Variants in MAGI2 observed in about 807,000 individuals in gnomAD.
MAGI2 encodes the protein membrane associated guanylate kinase, WW and PDZ domain containing 2.
In MAGI2, 35 loss-of-function variants were observed where a neutral mutation model predicts 133.3. The observed-to-expected ratio is 0.26, with a 90% confidence interval of 0.20 to 0.35. The LOEUF is 0.35. MAGI2 is among the 10% of genes least tolerant of loss of function. The pLI is 1.00. For missense variants in MAGI2, 1,636 were observed against 1,863.4 expected, an observed-to-expected ratio of 0.88 and a Z score of 2.25; for synonymous variants, 729 against 710.6, an observed-to-expected ratio of 1.03 and a Z score of -0.41.
At chr7:79,429,857 G>T (rs1475517547) in intron 1 of MAGI2, among the ~76,000 whole-genome samples, 2 of 152,032 alleles carry the variant, frequency 1.3e-5, no homozygotes, top group Non-Finnish European at 2.9e-5. Flanking sequence ...AAATGATTAA[G>T]AGGATTGAGG....
intron 3 of MAGI2, among the ~76,000 whole-genome samples, chr7:78,552,474 C>T (rs143034315): frequency 5.7e-4 from 87 of 152,258 alleles, no homozygotes; most frequent in African/African-American, 2.0e-3. Context: ...TAAGCCACTG[C>T]GCCCGACTAT....
chr7:78,983,637 C>T (rs1329194671), intron 2 of MAGI2, among the ~76,000 whole-genome samples: 1 of 151,976 alleles, frequency 6.6e-6, no homozygotes, highest in African/African-American at 2.4e-5. Context: ...TATAGCATAG[C>T]TTTAATACTT....
intron 2 of MAGI2, among the ~76,000 whole-genome samples, chr7:78,854,985 T>C (rs377380142): frequency 4.8e-4 from 73 of 152,176 alleles, no homozygotes; most frequent in African/African-American, 1.7e-3. Flanking sequence ...CCTGAGTAAC[T>C]GAGATTACAG....
At chr7:78,087,969 G>A (rs1181654508) in intron 20 of MAGI2, among the ~76,000 whole-genome samples, 1 of 152,050 alleles carries the variant, frequency 6.6e-6, no homozygotes, top group Non-Finnish European at 1.5e-5. Context: ...TAAAATTATC[G>A]GCCTAAGAAT....
chr7:78,475,780 G>T (rs1201433603), intron 6 of MAGI2, among the ~76,000 whole-genome samples: 2 of 151,756 alleles, frequency 1.3e-5, no homozygotes, highest in Non-Finnish European at 2.9e-5. Flanking sequence ...AGGGACAAGG[G>T]GTGAGGAGAA....
intron 6 of MAGI2, among the ~76,000 whole-genome samples, chr7:78,393,759 G>A (rs1418567902): frequency 6.6e-6 from 1 of 152,164 alleles, no homozygotes; most frequent in South Asian, 2.1e-4. Context: ...TCTGTTTGCA[G>A]TAGTATGTGC....
intron 2 of MAGI2, among the ~76,000 whole-genome samples, chr7:78,727,387 A>G (rs576048375): frequency 6.6e-6 from 1 of 152,316 alleles, no homozygotes; most frequent in Admixed American, 6.5e-5. Flanking sequence ...TTGATAGCAG[A>G]CTTTACTACA....
intron 3 of MAGI2, among the ~76,000 whole-genome samples, chr7:78,560,144 C>T (rs946446537): frequency 2.0e-5 from 3 of 152,050 alleles, no homozygotes; most frequent in African/African-American, 7.2e-5. Context: ...AAAAAATTTA[C>T]TGAGAGGAAG....
At chr7:79,085,722 G>A (rs780950513) in intron 1 of MAGI2, among the ~76,000 whole-genome samples, 51 of 151,958 alleles carry the variant, frequency 3.4e-4, no homozygotes, top group Admixed American at 9.2e-4. Flanking sequence ...CTTATTTAAA[G>A]TCTTTATGCT....
intron 2 of MAGI2, among the ~76,000 whole-genome samples, chr7:78,829,412 T>C (rs1323863362): frequency 2.0e-5 from 3 of 152,140 alleles, no homozygotes; most frequent in African/African-American, 7.2e-5. Flanking sequence ...ACCTTTTTCA[T>C]GGCTCAATCA....
intron 1 of MAGI2, among the ~76,000 whole-genome samples, chr7:79,396,044 T>C (rs1845027448): frequency 2.6e-5 from 4 of 152,318 alleles, no homozygotes; most frequent in African/African-American, 2.4e-5. Flanking sequence ...CTTGAGCCTA[T>C]AGAATCTTGA....
chr7:78,598,997 G>T (rs1457196911), intron 3 of MAGI2, among the ~76,000 whole-genome samples: 2 of 152,032 alleles, frequency 1.3e-5, no homozygotes. Context: ...GATATATCTG[G>T]GGTCAAAAGA....
intron 2 of MAGI2, among the ~76,000 whole-genome samples, chr7:78,643,781 C>A (rs1810548393): frequency 1.3e-5 from 2 of 151,702 alleles, no homozygotes; most frequent in African/African-American, 4.8e-5. Context: ...AGATTCTTAC[C>A]CTATATATGA....
intron 3 of MAGI2, among the ~76,000 whole-genome samples, chr7:78,621,025 ACGAATGT>A (rs1246985701): frequency 6.6e-6 from 1 of 151,986 alleles, no homozygotes; most frequent in East Asian, 1.9e-4. Context: ...GAGTGAAATC[ACGAATGT>A]AAAATCACAG....
chr7:78,180,882 GA>G (rs1265109114), intron 13 of MAGI2, among the ~76,000 whole-genome samples: 4 of 148,580 alleles, frequency 2.7e-5, no homozygotes, highest in Admixed American at 2.7e-4. Flanking sequence ...TAGTCAACTG[GA>G]AAAAAAGTTC....
At position 78,627,561 on chromosome 7, in the gene MAGI2, C is replaced by G. The variant is rs571505820; in HGVS notation, c.419-322G>C. 3.3e-5 allele frequency among the ~76,000 whole-genome samples: 5 copies of G among 152,308 alleles called. No individual in the cohort carries two copies. In the East Asian group the frequency reaches 5.8e-4, roughly 18 times the overall value. ...GTTTGGATATTGAGCCAGCAGTCTG[C>G]TAGTTCAGGAATTTATATATTTCAC... On this transcript the variant is annotated intron_variant, in intron 2 of 21. Coordinates refer to ENST00000354212, the MANE Select transcript of MAGI2 (RefSeq NM_012301.4).
chr7:78,994,905 G>A (rs1231738165), intron 2 of MAGI2, among the ~76,000 whole-genome samples: 1 of 152,096 alleles, frequency 6.6e-6, no homozygotes, highest in Non-Finnish European at 1.5e-5. Context: ...ATGCAAGGAT[G>A]AAGAACTGGG....
chr7:79,399,722 T>G (rs1277522084), intron 1 of MAGI2, among the ~76,000 whole-genome samples: 1 of 152,172 alleles, frequency 6.6e-6, no homozygotes, highest in Non-Finnish European at 1.5e-5. Flanking sequence ...CTGTGGTTCC[T>G]CTATGTGCTA....
intron 1 of MAGI2, among the ~76,000 whole-genome samples, chr7:79,190,518 A>G (rs1264487698): frequency 6.6e-6 from 1 of 151,880 alleles, no homozygotes; most frequent in Non-Finnish European, 1.5e-5. Context: ...TATTTTGGAT[A>G]CCAATTCTTC....
Sources: gnomAD v4.1 joint callset for allele counts (sites outside exome capture counted in the v4.1 genomes callset) on GRCh38, gnomAD v4.1.1 for gene constraint, MANE v1.5 for transcripts, NCBI Gene and HGNC (gene_info 2026-07-23, HGNC 2026-07-21) for gene names.